The following FGF13 variants were observed in gnomAD, a reference collection of about 807,000 sequenced individuals.
The protein encoded by FGF13 is fibroblast growth factor 13.
FGF13 carries 2 observed loss-of-function variants against 19.5 expected under a neutral mutation model. The ratio of observed to expected loss-of-function variants is 0.10; its 90% CI spans 0.04 to 0.32. FGF13 has a LOEUF of 0.32. FGF13 is among the 10% of genes least tolerant of loss of function. The probability of loss-of-function intolerance (pLI) is 1.00; values close to 1 mark genes in which losing one functional copy is unlikely to be tolerated. For synonymous variants in FGF13, 72 were observed against 76.9 expected (o/e 0.94, Z 0.33); for missense variants, 113 against 192.7 (o/e 0.59, Z 2.45).
chrX:138,872,438 G>A (rs1042710527), intron 1 of FGF13, among the ~76,000 whole-genome samples: 1 of 111,147 alleles, frequency 9.0e-6, no homozygotes, highest in Non-Finnish European at 1.9e-5. Context: ...AATGATGATG[G>A]GCAGTTTGCA....
At chrX:139,130,255 A>G (rs1256622736) in intron 1 of FGF13, among the ~76,000 whole-genome samples, 2 of 111,771 alleles carry the variant, frequency 1.8e-5, no homozygotes, top group African/African-American at 6.5e-5. Context: ...TTGTCTTTTC[A>G]TCTGGAACAA....
At chrX:139,083,396 T>C (rs896688628) in intron 1 of FGF13, among the ~76,000 whole-genome samples, 3 of 111,854 alleles carry the variant, frequency 2.7e-5, no homozygotes, top group Non-Finnish European at 5.6e-5. Context: ...AGAGTGCCGA[T>C]GAGTGAGGCC....
At chrX:138,793,528 TCTC>T (rs1343185918) in intron 3 of FGF13, among the ~76,000 whole-genome samples, 1 of 111,742 alleles carries the variant, frequency 8.9e-6, no homozygotes, top group Non-Finnish European at 1.9e-5. Flanking sequence ...ATTGGAAACA[TCTC>T]CTGGTCTAAT....
chrX:138,906,436 G>A (rs1483192540), intron 1 of FGF13, among the ~76,000 whole-genome samples: 1 of 111,814 alleles, frequency 8.9e-6, no homozygotes, highest in African/African-American at 3.3e-5. Context: ...ATCATGTGCT[G>A]GGCATAGTTC....
chrX:138,667,637 G>T (rs1331998019), intron 3 of FGF13: 5 of 338,484 alleles, frequency 1.5e-5, no homozygotes, highest in Admixed American at 3.1e-5. Context: ...CATTGGGGTG[G>T]TGGGGTAAGA....
chrX:139,096,523 G>A (rs745649463), intron 1 of FGF13, among the ~76,000 whole-genome samples: 1 of 111,939 alleles, frequency 8.9e-6, no homozygotes, highest in East Asian at 2.8e-4. Context: ...TGGAAAGCTA[G>A]GCTGGAGCTA....
At chrX:138,986,461 C>T (rs774508132) in intron 1 of FGF13, among the ~76,000 whole-genome samples, 25 of 112,444 alleles carry the variant, frequency 2.2e-4, no homozygotes, top group Admixed American at 3.8e-4. Flanking sequence ...ATTTCTTCCA[C>T]TACACTATGC....
chrX:138,764,703 T>TG (rs766323733), intron 3 of FGF13, among the ~76,000 whole-genome samples: 6 of 112,480 alleles, frequency 5.3e-5, no homozygotes, highest in Non-Finnish European at 1.1e-4. Context: ...GAACAGAGGC[T>TG]GCAAACCCTA....
At chrX:138,777,683 C>A (rs184304784) in intron 3 of FGF13, among the ~76,000 whole-genome samples, 2 of 111,601 alleles carry the variant, frequency 1.8e-5, no homozygotes, top group East Asian at 5.7e-4. Flanking sequence ...TAAACCATGC[C>A]GACCAAAATA....
At chrX:138,990,987 G>A (rs763367725) in intron 1 of FGF13, among the ~76,000 whole-genome samples, 16 of 111,798 alleles carry the variant, frequency 1.4e-4, no homozygotes, top group African/African-American at 4.5e-4. Flanking sequence ...TACCTCCCTC[G>A]GTATGCATCC....
chrX:139,027,586 G>A (rs761320270), intron 1 of FGF13, among the ~76,000 whole-genome samples: 5 of 112,070 alleles, frequency 4.5e-5, no homozygotes, highest in Non-Finnish European at 9.4e-5. Flanking sequence ...TACACTGACA[G>A]TGACATTTAA....
chrX:139,148,311 C>T (rs1231132724), intron 1 of FGF13, among the ~76,000 whole-genome samples: 1 of 111,612 alleles, frequency 9.0e-6, no homozygotes, highest in Non-Finnish European at 1.9e-5. Flanking sequence ...ATACAGAACA[C>T]ACACCTGCCT....
chrX:138,963,904 G>C (rs1354558941), intron 1 of FGF13, among the ~76,000 whole-genome samples: 3 of 111,777 alleles, frequency 2.7e-5, no homozygotes, highest in Non-Finnish European at 5.6e-5. Context: ...TTCATCATCT[G>C]AAAAATGGGG....
At chrX:139,133,363 A>T (rs987849702) in intron 1 of FGF13, among the ~76,000 whole-genome samples, 2 of 105,210 alleles carry the variant, frequency 1.9e-5, no homozygotes, top group African/African-American at 6.9e-5. Context: ...AAAAAAAAAA[A>T]TTCTCACCAG....
chrX:138,659,728 A>C (rs2089470877), intron 3 of FGF13, among the ~76,000 whole-genome samples: 1 of 112,263 alleles, frequency 8.9e-6, no homozygotes, highest in African/African-American at 3.2e-5. Flanking sequence ...CTATGCAGCC[A>C]TAAAAAAGAA....
intron 1 of FGF13, among the ~76,000 whole-genome samples, chrX:138,895,057 T>G (rs17001821): frequency 0.079 from 8,767 of 111,618 alleles, 884 homozygotes; most frequent in African/African-American, 0.27. Context: ...TACACATCCA[T>G]ACTGGGAATG....
At chrX:138,977,917 T>C (rs2091946288) in intron 1 of FGF13, among the ~76,000 whole-genome samples, 1 of 112,453 alleles carries the variant, frequency 8.9e-6, no homozygotes, top group African/African-American at 3.2e-5. Context: ...TATGTCGTCA[T>C]ATAAATTTAA....
intron 1 of FGF13, among the ~76,000 whole-genome samples, chrX:138,897,094 C>A (rs945828751): frequency 9.0e-6 from 1 of 111,544 alleles, no homozygotes; most frequent in African/African-American, 3.3e-5. Context: ...ACTGCAACCT[C>A]CGCCTCCCAG....
At chrX:138,828,191 C>G (rs2091046682) in intron 3 of FGF13, among the ~76,000 whole-genome samples, 1 of 112,075 alleles carries the variant, frequency 8.9e-6, no homozygotes, top group Non-Finnish European at 1.9e-5. Flanking sequence ...ATGTCTTTAA[C>G]CCAAAGTAAC....
Sources: allele counts gnomAD v4.1 joint callset (sites outside exome capture counted in the v4.1 genomes callset), GRCh38; gene constraint gnomAD v4.1.1; transcripts MANE v1.5; gene names NCBI Gene and HGNC (gene_info 2026-07-23, HGNC 2026-07-21).